Variants in FLI1 observed in about 807,000 individuals in gnomAD.
FLI1 encodes the protein Friend leukemia integration 1 transcription factor.
A neutral mutation model predicts 53.1 loss-of-function variants in FLI1; 13 were observed. That is an observed-to-expected ratio of 0.24 (90% CI 0.16 to 0.39). FLI1 has a LOEUF of 0.39. Ranked by LOEUF, FLI1 falls within the 10% of genes least tolerant of loss-of-function variation. FLI1 has a pLI of 1.00. For missense variants in FLI1, 424 were observed against 600.5 expected (o/e 0.71, Z 3.07); for synonymous variants, 244 against 236.7 (o/e 1.03, Z -0.28).
At chr11:128,696,643 C>A (rs1278327636) in intron 1 of FLI1, among the ~76,000 whole-genome samples, 1 of 152,176 alleles carries the variant, frequency 6.6e-6, no homozygotes, top group Non-Finnish European at 1.5e-5. Flanking sequence ...TGCACTAAAT[C>A]CAGCCCTACA....
At position 128,702,642 on chromosome 11, in the gene FLI1, A is replaced by G. The variant is rs377053675; in HGVS notation, c.18+8366A>G. 3.3e-5 allele frequency among the ~76,000 whole-genome samples: 5 copies of G among 152,316 alleles called. 1 individual carries two copies. In the East Asian group the frequency reaches 7.7e-4, roughly 23 times the overall value. ...TTTGGGAGGCCAAGGCGGGTGGATCACCTGAGGTCAGGAGTTCAAGACCAG... is the reference window on the plus strand; with the variant it reads ...TTTGGGAGGCCAAGGCGGGTGGATCGCCTGAGGTCAGGAGTTCAAGACCAG... On this transcript the variant is annotated intron_variant, in intron 1 of 8. Transcript: ENST00000527786.
Position 128,758,528 on chromosome 11 carries a change from C to G in FLI1, c.230+202C>G, listed in dbSNP as rs595677. Among the ~76,000 whole-genome samples the G allele has an allele frequency of 0.47, 70,862 of 152,084 alleles. 16,978 individuals are homozygous for G. Among genetic ancestry groups the G allele is most frequent in the East Asian group, 0.64 (3,321 of 5,158 alleles). ...GGAGTAGGGCTAGGAAGCCCCCCTG[C>G]CTCTCTGGGGCCCACGAAGCCCTCA... On this transcript the variant is annotated intron_variant, in intron 2 of 8. Transcript: ENST00000527786.
chr11:128,759,141 G>A (rs977088700), intron 2 of FLI1, among the ~76,000 whole-genome samples: 2 of 152,220 alleles, frequency 1.3e-5, no homozygotes, highest in Non-Finnish European at 2.9e-5. Flanking sequence ...TAGTGACAGT[G>A]ATTGTTATGA....
rs996441756 is a variant in FLI1, at chr11:128,811,440, C to T, written c.*452C>T. The T allele has an allele frequency of 4.3e-6, 1 of 234,648 alleles. No homozygotes were observed. The highest frequency in any genetic ancestry group is 2.2e-5 in the African/African-American group (1 of 44,870). 14.5% of individuals were successfully genotyped at this position (234,648 alleles called of 1,614,324 possible). ...CAAATAGAGGTGGGAAGCTTATAAT[C>T]TAATTTTAGGAGGACCAAATTCAGT... is the stretch of plus-strand genomic sequence containing the variant. On this transcript the variant is annotated 3_prime_UTR_variant, in exon 9 of 9. Transcript: ENST00000527786.
At chr11:128,760,434 C>A (rs371631163) in intron 2 of FLI1, among the ~76,000 whole-genome samples, 138 of 151,984 alleles carry the variant, frequency 9.1e-4, no homozygotes, top group African/African-American at 3.2e-3. Flanking sequence ...GTGAGGAGGC[C>A]TATTCTACGA....
At chr11:128,752,574 A>G (rs1565482321) in intron 1 of FLI1, among the ~76,000 whole-genome samples, 2 of 152,222 alleles carry the variant, frequency 1.3e-5, no homozygotes, top group African/African-American at 4.8e-5. Flanking sequence ...AAAATTCACA[A>G]GAAAGAACCT....
At chr11:128,711,989 A>T (rs950423567) in intron 1 of FLI1, among the ~76,000 whole-genome samples, 2 of 152,144 alleles carry the variant, frequency 1.3e-5, no homozygotes, top group African/African-American at 2.4e-5. Flanking sequence ...TTTCTCTCCA[A>T]TGAGTATTCC....
In FLI1 at chr11:128,810,928, C is replaced by A; in HGVS notation, c.1299C>A (p.Asn433Lys). The change falls in exon 9 of 9, where the codon AAC becomes AAA. Residue 433 changes from asparagine to lysine, a missense_variant. Physicochemically the swap from Asn to Lys is moderately conservative, Grantham distance 94. Transcript: ENST00000527786. This position sits in a 1 kb window ranked among gnomAD's most constrained non-coding sequence, Gnocchi z 6.6. Reference protein sequence around the residue: ...WTSPTGGIYPNPNVPRHPNTH... With the variant: ...WTSPTGGIYPKPNVPRHPNTH... ...CCCCCACGGGGGGAATCTACCCCAA[C>A]CCCAACGTCCCCCGCCATCCTAACA... The A allele has an allele frequency of 6.2e-7, 1 of 1,614,052 alleles. No individual in the cohort carries two copies. The highest frequency in any genetic ancestry group is 8.5e-7 in the Non-Finnish European group (1 of 1,179,914).
intron 1 of FLI1, among the ~76,000 whole-genome samples, chr11:128,719,356 CGTGTGTGTGT>C (rs56336914): frequency 0.019 from 2,799 of 145,242 alleles, 45 homozygotes; most frequent in African/African-American, 0.035. Flanking sequence ...CCCCTTTTCC[CGTGTGTGTGT>C]GTGTGTGTGT....
intron 6 of FLI1, 28 bp from the exon 7 acceptor site, chr11:128,807,152 C>T (rs913336618): frequency 3.2e-6 from 5 of 1,556,148 alleles, no homozygotes; most frequent in Non-Finnish European, 4.4e-6. Context: ...GGGTCCTACT[C>T]ACTGCATTTC....
At position 128,698,733 on chromosome 11, in the gene FLI1, T is replaced by TGTGA. The variant is rs766077047; in HGVS notation, c.18+4458_18+4459insTGAG. Among the ~76,000 whole-genome samples, 26 of 133,820 alleles carry TGTGA rather than the reference T, an allele frequency of 1.9e-4. No individual in the cohort carries two copies. The South Asian group carries it at 2.2e-3, about 11-fold the overall frequency. 87.8% of individuals were successfully genotyped at this position (133,820 alleles called of 152,430 possible). ...TTGCGTGTGTGTGTGTGTGTGTGTG[T>TGTGA]GAGAGAGAGAGAGAGAGAGAGAAGT... On this transcript the variant is annotated intron_variant, in intron 1 of 8. Coordinates refer to ENST00000527786, the MANE Select transcript of FLI1 (RefSeq NM_002017.5).
intron 1 of FLI1, among the ~76,000 whole-genome samples, chr11:128,707,174 A>T (rs1402060543): frequency 6.6e-6 from 1 of 152,150 alleles, no homozygotes; most frequent in Admixed American, 6.5e-5. Flanking sequence ...TCCCAGCACG[A>T]TACTCTGTCA....
chr11:128,724,572 C>A (rs572916158), intron 1 of FLI1, among the ~76,000 whole-genome samples: 4 of 152,238 alleles, frequency 2.6e-5, no homozygotes, highest in African/African-American at 4.8e-5. Flanking sequence ...CTCACTGAAT[C>A]GAGTATGGAT....
At chr11:128,765,643 G>A (rs1181401229) in intron 2 of FLI1, among the ~76,000 whole-genome samples, 1 of 152,006 alleles carries the variant, frequency 6.6e-6, no homozygotes, top group Non-Finnish European at 1.5e-5. Flanking sequence ...TCCCACAGAG[G>A]CCGCCTGCCA....
rs553659626 is a variant in FLI1 at position 128,715,003 on chromosome 11, G to A, written c.18+20727G>A. Among the ~76,000 whole-genome samples, 28 of 152,152 alleles carry A rather than the reference G, an allele frequency of 1.8e-4. No homozygotes were observed. In the South Asian group the frequency reaches 4.2e-3, roughly 23 times the overall value. On this transcript the variant is annotated intron_variant, in intron 1 of 8. Coordinates refer to ENST00000527786, the MANE Select transcript of FLI1 (RefSeq NM_002017.5). ...ATGACAGGGGTGAGCTACCGCACCCGGCCCTTGAAGGCATTTTAGCACTTG... is the reference window on the plus strand; with the variant it reads ...ATGACAGGGGTGAGCTACCGCACCCAGCCCTTGAAGGCATTTTAGCACTTG...
rs1359353263 is a variant in FLI1 at position 128,772,933 on chromosome 11, C to G, written c.537C>G (p.Thr179=). ...KMNKEDFLRA[T]TLYNTEVLLS... ...ACAAGGAGGACTTCCTCCGCGCCAC[C>G]ACCCTCTACAACACGGAAGTGCTGT... Residue 179 remains threonine, a synonymous_variant, in exon 4 of 9, where the codon ACC becomes ACG. Coordinates refer to ENST00000527786, the MANE Select transcript of FLI1 (RefSeq NM_002017.5). The G allele has an allele frequency of 5.6e-6, 9 of 1,614,042 alleles. No individual in the cohort carries two copies. The highest frequency in any genetic ancestry group is 1.7e-5 in the Admixed American group (1 of 60,026).
chr11:128,736,340 T>C (rs1267560572), intron 1 of FLI1, among the ~76,000 whole-genome samples: 1 of 152,198 alleles, frequency 6.6e-6, no homozygotes, highest in East Asian at 1.9e-4. Context: ...TGATACGAGT[T>C]GGTAAGCCAC....
At chr11:128,691,730 G>C (rs1937746053), upstream of FLI1, 1 of 152,546 alleles carries the variant, frequency 6.6e-6, no homozygotes, top group Non-Finnish European at 1.5e-5. Context: ...TAATTCCAGT[G>C]GGGGAGGCAG....
chr11:128,756,923 G>C (rs566053953), intron 1 of FLI1, among the ~76,000 whole-genome samples: 1 of 152,030 alleles, frequency 6.6e-6, no homozygotes. Context: ...CGAGACTGTC[G>C]CCCAGGCTGA....
Sources: gnomAD v4.1 joint callset for allele counts (sites outside exome capture counted in the v4.1 genomes callset) on GRCh38, gnomAD v4.1.1 for gene constraint, Gnocchi (gnomAD v3.1) non-coding constraint, MANE v1.5 for transcripts, NCBI Gene and HGNC (gene_info 2026-07-23, HGNC 2026-07-21) for gene names.